TRNAU1AP: variants seen among roughly 807,000 people sequenced by gnomAD.
The protein encoded by TRNAU1AP is tRNA selenocysteine 1-associated protein 1.
TRNAU1AP carries 33 observed loss-of-function variants against 43.3 expected under a neutral mutation model. The observed-to-expected ratio is 0.76, with a 90% CI of 0.58 to 1.02. The LOEUF (loss-of-function observed/expected upper bound fraction) is 1.02, where lower values mean the gene tolerates loss of function less well. Ranked by LOEUF, TRNAU1AP falls within the 50% of genes least tolerant of loss-of-function variation. The probability of loss-of-function intolerance (pLI) is 0.00; values close to 1 mark genes in which losing one functional copy is unlikely to be tolerated. For missense variants in TRNAU1AP, 290 were observed against 362.7 expected (o/e 0.80, Z 1.63); for synonymous variants, 143 against 129.1 (o/e 1.11, Z -0.73).
chr1:28,561,162 A>C, intron 3 of TRNAU1AP, 184 bp from the exon 4 acceptor site: 1 of 1,430,628 alleles, frequency 7.0e-7, no homozygotes, highest in South Asian at 1.5e-5. Flanking sequence ...TCATAGAACC[A>C]TGGAGCTGGC....
rs985348505 is a variant in TRNAU1AP at position 28,560,941 on chromosome 1, G to T, written c.225+209G>T. Reference sequence around the variant, plus strand: ...CACAGGTAGTAAATGGCAGAGCCAGGATTCAGACTGAAGATTGGTTGCCTC... The same window carrying T: ...CACAGGTAGTAAATGGCAGAGCCAGTATTCAGACTGAAGATTGGTTGCCTC... On this transcript the variant is annotated intron_variant, in intron 3 of 8. Coordinates refer to ENST00000373830, the MANE Select transcript of TRNAU1AP (RefSeq NM_017846.5). 9 of 929,810 alleles carry T rather than the reference G, an allele frequency of 9.7e-6. No individual in the cohort carries two copies. The African/African-American group carries it at 1.5e-4, about 16-fold the overall frequency. 57.6% of individuals were successfully genotyped at this position (929,810 alleles called of 1,614,324 possible).
rs1665837194 is a variant in TRNAU1AP at position 28,577,938 on chromosome 1, A to C, written c.*302A>C. 1 of 233,272 alleles carries C rather than the reference A, an allele frequency of 4.3e-6. No homozygotes were observed. The highest frequency in any genetic ancestry group is 2.3e-5 in the African/African-American group (1 of 43,412). The allele number at this position is 233,272 out of a possible 1,614,324, so 14.5% of individuals were successfully genotyped here. A position where few individuals can be genotyped will look rare whatever the true frequency, so the allele number is the denominator to read the frequency against. On this transcript the variant is annotated 3_prime_UTR_variant, in exon 9 of 9. Coordinates refer to ENST00000373830, the MANE Select transcript of TRNAU1AP (RefSeq NM_017846.5). Reference sequence around the variant, plus strand: ...TGGGATGAGCAGCTTGGGATAATTCACACACTAAAGCCTGAGTTCAAGGTT... The same window carrying C: ...TGGGATGAGCAGCTTGGGATAATTCCCACACTAAAGCCTGAGTTCAAGGTT...
At position 28,553,688 on chromosome 1, in the gene TRNAU1AP, A is replaced by G; in HGVS notation, c.76A>G (p.Met26Val). 3.7e-6 allele frequency: 6 copies of G among 1,614,140 alleles called. No individual in the cohort carries two copies. Among genetic ancestry groups the G allele is most frequent in the Non-Finnish European group, 5.1e-6 (6 of 1,180,020 alleles). Reference sequence around the variant, plus strand: ...CTTCATCTCCAGAGCCTTTGCCACCATGGGGGAGACCGTAATGAGCGTCAA... The same window carrying G: ...CTTCATCTCCAGAGCCTTTGCCACCGTGGGGGAGACCGTAATGAGCGTCAA... ...ENFISRAFAT[M>V]GETVMSVKII... The change falls in exon 2 of 9, where the codon ATG (methionine) becomes GTG (valine). Residue 26 changes from methionine (M) to valine (V), a missense_variant. Physicochemically the swap from Met to Val is conservative, Grantham distance 21. Coordinates refer to ENST00000373830, the MANE Select transcript of TRNAU1AP (RefSeq NM_017846.5).
rs1490745231 is a variant in TRNAU1AP, at chr1:28,564,705, C to T, written c.281C>T (p.Pro94Leu). The change falls in exon 5 of 9, where the codon CCT becomes CTT. Residue 94 changes from proline (P) to leucine (L), a missense_variant and splice_region_variant. This residue lies in a region of TRNAU1AP where 174 missense variants were observed against 262.1 expected (regional missense o/e 0.66). Transcript: ENST00000373830. ...ATCTTCTTGTTCTCTCTCCTCAGCC[C>T]TGAGTATTCCCTCTTTGTGGGGGAC... ...ATYGKQPDNSPEYSLFVGDLT... is the reference protein window; with the variant it reads ...ATYGKQPDNSLEYSLFVGDLT... 8.1e-6 allele frequency: 13 copies of T among 1,613,402 alleles called. No individual in the cohort carries two copies. The highest frequency in any genetic ancestry group is 1.1e-5 in the Non-Finnish European group (13 of 1,179,800).
chr1:28,560,837 C>A, intron 3 of TRNAU1AP, 105 bp downstream of exon 3: 2 of 1,018,584 alleles, frequency 2.0e-6, no homozygotes, highest in Non-Finnish European at 2.8e-6. Flanking sequence ...CCTAAAACAA[C>A]CCTTTACAGT....
At chr1:28,573,391 A>G (rs1161316574) in intron 8 of TRNAU1AP, among the ~76,000 whole-genome samples, 2 of 151,076 alleles carry the variant, frequency 1.3e-5, no homozygotes, top group South Asian at 2.1e-4. Context: ...CTGTAATCCC[A>G]GCCCTTTGGG....
chr1:28,562,666 C>G (rs868603896), intron 4 of TRNAU1AP, among the ~76,000 whole-genome samples: 4 of 148,728 alleles, frequency 2.7e-5, no homozygotes, highest in African/African-American at 9.9e-5. Context: ...CTGCAAGCTC[C>G]GCCTCCCGGG....
chr1:28,557,356 C>T (rs2124187963), intron 2 of TRNAU1AP, among the ~76,000 whole-genome samples: 1 of 151,158 alleles, frequency 6.6e-6, no homozygotes, highest in South Asian at 2.1e-4. Flanking sequence ...GGAGGTGGAG[C>T]TTGCAGCGAG....
chr1:28,560,892 A>T, intron 3 of TRNAU1AP, 160 bp downstream of exon 3: 1 of 869,288 alleles, frequency 1.2e-6, no homozygotes, highest in Non-Finnish European at 1.7e-6. Context: ...AGCTCAGGGA[A>T]TTGAAATAAC....
chr1:28,571,386 C>T (rs749297998), intron 7 of TRNAU1AP, 48 bp downstream of exon 7: 27 of 1,582,950 alleles, frequency 1.7e-5, no homozygotes, highest in Middle Eastern at 3.3e-4. Flanking sequence ...TGTTTCTCCT[C>T]TAGAAACAGG....
In TRNAU1AP at chr1:28,560,763, C is replaced by T. The variant is rs375366255; in HGVS notation, c.225+31C>T. ...GACATTTAGATAATGATGATGTTGC[C>T]ATTATTATTGTCATTGCTTACTACC... On this transcript the variant is annotated intron_variant, in intron 3 of 8. Transcript: ENST00000373830. The T allele has an allele frequency of 1.9e-6, 3 of 1,541,044 alleles. No homozygotes were observed. In the African/African-American group the frequency reaches 4.1e-5, roughly 21 times the overall value.
At chr1:28,563,254 TA>T (rs1665455258) in intron 4 of TRNAU1AP, among the ~76,000 whole-genome samples, 1 of 150,732 alleles carries the variant, frequency 6.6e-6, no homozygotes, top group South Asian at 2.1e-4. Flanking sequence ...TGAAATAAGA[TA>T]ATAACAAAGG....
intron 6 of TRNAU1AP, among the ~76,000 whole-genome samples, chr1:28,567,892 A>G (rs1253253470): frequency 1.3e-5 from 2 of 152,180 alleles, no homozygotes; most frequent in Admixed American, 1.3e-4. Context: ...GGCCGGGCGC[A>G]GTGGCTCACA....
At chr1:28,565,057 G>A in intron 5 of TRNAU1AP, 1 of 552,150 alleles carries the variant, frequency 1.8e-6, no homozygotes, top group Non-Finnish European at 3.2e-6. Flanking sequence ...AAATGGAGCT[G>A]ATTAATAATA....
At position 28,564,773 on chromosome 1, in the gene TRNAU1AP, G is replaced by A. The variant is rs140349108; in HGVS notation, c.349G>A (p.Val117Ile). Reference protein sequence around the residue: ...VDDGMLYEFFVKVYPSCRGGK... With the variant: ...VDDGMLYEFFIKVYPSCRGGK... ...TGATGGCATGCTGTATGAATTCTTC[G>A]TCAAAGTCTACCCCTCCTGTCGGGG... The change falls in exon 5 of 9, where the codon GTC becomes ATC. Residue 117 changes from valine to isoleucine, a missense_variant. Coordinates refer to ENST00000373830, the MANE Select transcript of TRNAU1AP (RefSeq NM_017846.5). The A allele has an allele frequency of 2.2e-5, 35 of 1,614,006 alleles. No individual in the cohort carries two copies. Among genetic ancestry groups the A allele is most frequent in the South Asian group, 1.4e-4 (13 of 91,084 alleles).
rs996213719 is a variant in TRNAU1AP, at chr1:28,553,298, A to C, written c.27+161A>C. ...AGAAGCGGGTTCCAGCATCTAAGTGAAGAGGCTGAGTCCGTGAGGCTAGGG... is the reference window on the plus strand; with the variant it reads ...AGAAGCGGGTTCCAGCATCTAAGTGCAGAGGCTGAGTCCGTGAGGCTAGGG... On this transcript the variant is annotated intron_variant, in intron 1 of 8. Coordinates refer to ENST00000373830, the MANE Select transcript of TRNAU1AP (RefSeq NM_017846.5). 1.7e-5 allele frequency: 15 copies of C among 883,490 alleles called. No individual in the cohort carries two copies. The African/African-American group carries it at 2.6e-4, about 15-fold the overall frequency. 54.7% of individuals were successfully genotyped at this position (883,490 alleles called of 1,614,324 possible). A position where few individuals can be genotyped will look rare whatever the true frequency, so the allele number is the denominator to read the frequency against.
intron 6 of TRNAU1AP, among the ~76,000 whole-genome samples, chr1:28,568,387 C>T (rs1045368765): frequency 6.6e-6 from 1 of 152,128 alleles, no homozygotes; most frequent in Non-Finnish European, 1.5e-5. Flanking sequence ...GGGATCCTCC[C>T]ATCTCAGCCT....
intron 4 of TRNAU1AP, among the ~76,000 whole-genome samples, chr1:28,562,408 T>C (rs970046917): frequency 6.6e-5 from 10 of 152,084 alleles, no homozygotes; most frequent in African/African-American, 2.4e-4. Context: ...TGTCAAGATA[T>C]TGGCAATATG....
At position 28,564,778 on chromosome 1, in the gene TRNAU1AP, A is replaced by AGTCTACCCCTCCTGTCG. The variant is rs1553122420; in HGVS notation, c.356_372dup (p.Gly125SerfsTer24). ...GCATGCTGTATGAATTCTTCGTCAA[A>AGTCTACCCCTCCTGTCG]GTCTACCCCTCCTGTCGGGGAGGCA... On this transcript the variant is annotated frameshift_variant, in exon 5 of 9. Transcript: ENST00000373830. LOFTEE classifies it high-confidence loss of function. 1.9e-6 allele frequency: 3 copies of AGTCTACCCCTCCTGTCG among 1,614,044 alleles called. No individual in the cohort carries two copies. Among genetic ancestry groups the AGTCTACCCCTCCTGTCG allele is most frequent in the Non-Finnish European group, 2.5e-6 (3 of 1,180,038 alleles).
Sources: allele counts gnomAD v4.1 joint callset (sites outside exome capture counted in the v4.1 genomes callset), GRCh38; gene constraint gnomAD v4.1.1; regional missense constraint gnomAD v4.1.1; transcripts MANE v1.5; gene names NCBI Gene and HGNC (gene_info 2026-07-23, HGNC 2026-07-21).